The following PTPRD variants were observed in gnomAD, a reference collection of about 807,000 sequenced individuals.
The protein encoded by PTPRD is receptor-type tyrosine-protein phosphatase delta.
A neutral mutation model predicts 214.5 loss-of-function variants in PTPRD; 34 were observed. The observed-to-expected ratio is 0.16, with a 90% CI of 0.12 to 0.21. The LOEUF (loss-of-function observed/expected upper bound fraction) is 0.21. PTPRD is among the 10% of genes least tolerant of loss of function. The pLI, the probability that PTPRD is intolerant of heterozygous loss-of-function variation, is 1.00. For missense variants in PTPRD, 2,545 were observed against 2,398.7 expected (o/e 1.06, Z -1.27); for synonymous variants, 1,128 against 845.7 (o/e 1.33, Z -5.79).
chr9:8,687,363 T>C (rs982715706), intron 12 of PTPRD, among the ~76,000 whole-genome samples: 2 of 152,210 alleles, frequency 1.3e-5, no homozygotes, highest in African/African-American at 4.8e-5. Context: ...TTCTAACAGA[T>C]TCAGAAATAA....
intron 7 of PTPRD, among the ~76,000 whole-genome samples, chr9:9,615,641 T>C (rs1295467600): frequency 6.6e-6 from 1 of 152,222 alleles, no homozygotes; most frequent in Non-Finnish European, 1.5e-5. Flanking sequence ...GACTGCTAGA[T>C]TGGCTTTCTA....
intron 9 of PTPRD, among the ~76,000 whole-genome samples, chr9:9,322,075 T>C (rs1372681590): frequency 2.6e-5 from 4 of 152,186 alleles, no homozygotes; most frequent in Non-Finnish European, 5.9e-5. Flanking sequence ...AGTTAAGCAG[T>C]TATTTTAATT....
intron 4 of PTPRD, among the ~76,000 whole-genome samples, chr9:10,004,375 G>C (rs1450550326): frequency 6.6e-6 from 1 of 151,790 alleles, no homozygotes; most frequent in Non-Finnish European, 1.5e-5. Context: ...GAGGAATTAA[G>C]CAAATTAATA....
intron 11 of PTPRD, among the ~76,000 whole-genome samples, chr9:8,897,421 G>C (rs992715102): frequency 6.6e-5 from 10 of 152,290 alleles, no homozygotes; most frequent in African/African-American, 2.2e-4. Context: ...GTGCTTCTGA[G>C]GGTTGATACA....
chr9:10,295,742 T>G lies in PTPRD; in HGVS notation c.-545+45221A>C, dbSNP rs146864672. Among the ~76,000 whole-genome samples the G allele has an allele frequency of 1.6e-3, 236 of 152,212 alleles. 1 individual carries two copies. Among genetic ancestry groups the G allele is most frequent in the African/African-American group, 5.6e-3 (232 of 41,548 alleles). Reference sequence around the variant, plus strand: ...TATGAACTTTATGATATTGACATCATCCTACGTTACCCTTACCCGGGTGGG... The same window carrying G: ...TATGAACTTTATGATATTGACATCAGCCTACGTTACCCTTACCCGGGTGGG... On this transcript the variant is annotated intron_variant, in intron 3 of 45. Transcript: ENST00000381196.
intron 2 of PTPRD, among the ~76,000 whole-genome samples, chr9:10,373,144 T>TA (rs5896388): frequency 0.19 from 25,791 of 137,688 alleles, 3,079 homozygotes; most frequent in East Asian, 0.61. Context: ...TCTTTATACT[T>TA]AAAAAAAAAA....
Position 9,970,522 on chromosome 9 carries a change from T to C in PTPRD, c.-471-31912A>G, listed in dbSNP as rs535906943. 7.8e-4 allele frequency among the ~76,000 whole-genome samples: 118 copies of C among 151,882 alleles called. 1 individual carries two copies. The highest frequency in any genetic ancestry group is 4.4e-4 in the Non-Finnish European group (30 of 67,950). On this transcript the variant is annotated intron_variant, in intron 4 of 45. Coordinates refer to ENST00000381196, the MANE Select transcript of PTPRD (RefSeq NM_002839.4). ...ATCTGGTTGGGTGGACAGTCAGACA[T>C]GGCTCTTAGTGCAGCAGGTATGTAC...
intron 4 of PTPRD, among the ~76,000 whole-genome samples, chr9:9,948,757 A>C (rs2093105626): frequency 6.6e-6 from 1 of 152,090 alleles, no homozygotes; most frequent in South Asian, 2.1e-4. Flanking sequence ...GAGATTTATT[A>C]GCCTAACCCA....
intron 3 of PTPRD, among the ~76,000 whole-genome samples, chr9:10,057,521 T>C (rs1347652135): frequency 6.6e-6 from 1 of 152,006 alleles, no homozygotes; most frequent in Admixed American, 6.6e-5. Context: ...CCCTAAACAT[T>C]TGGAGTATTC....
chr9:8,752,694 G>A (rs947520535), intron 11 of PTPRD, among the ~76,000 whole-genome samples: 2 of 152,106 alleles, frequency 1.3e-5, no homozygotes, highest in Non-Finnish European at 2.9e-5. Context: ...ATGGGGAGCA[G>A]AGATGAACTA....
intron 9 of PTPRD, among the ~76,000 whole-genome samples, chr9:9,231,961 A>C (rs10759052): frequency 6.6e-6 from 1 of 151,890 alleles, no homozygotes; most frequent in Non-Finnish European, 1.5e-5. Context: ...GGTGGCATAG[A>C]ATACAATGGG....
intron 8 of PTPRD, among the ~76,000 whole-genome samples, chr9:9,445,036 C>A (rs1466303683): frequency 2.0e-5 from 3 of 152,046 alleles, no homozygotes; most frequent in Non-Finnish European, 2.9e-5. Context: ...AATGAGTGAG[C>A]AACAAACACA....
chr9:9,367,445 A>G (rs1308400387), intron 9 of PTPRD, among the ~76,000 whole-genome samples: 4 of 151,716 alleles, frequency 2.6e-5, no homozygotes, highest in Non-Finnish European at 1.5e-5. Flanking sequence ...ATTATATTGT[A>G]TTTAGTGAAA....
At chr9:8,643,975 C>G (rs2096633274) in intron 12 of PTPRD, among the ~76,000 whole-genome samples, 2 of 152,294 alleles carry the variant, frequency 1.3e-5, no homozygotes, top group Middle Eastern at 3.4e-3. Flanking sequence ...ATAGTGGGAA[C>G]TGGTGGTGCC....
intron 3 of PTPRD, among the ~76,000 whole-genome samples, chr9:10,083,321 TA>T (rs2098273607): frequency 6.6e-6 from 1 of 152,114 alleles, no homozygotes; most frequent in Non-Finnish European, 1.5e-5. Context: ...TGCCTAGTCT[TA>T]TAAGTCTTAA....
chr9:9,962,380 C>T (rs1336743114), intron 4 of PTPRD, among the ~76,000 whole-genome samples: 11 of 152,116 alleles, frequency 7.2e-5, no homozygotes, highest in Middle Eastern at 3.4e-3. Context: ...TACCAACAAA[C>T]AATTTGATTT....
chr9:9,758,813 G>A (rs750196786), intron 6 of PTPRD, among the ~76,000 whole-genome samples: 1 of 140,052 alleles, frequency 7.1e-6, no homozygotes, highest in Non-Finnish European at 1.5e-5. Flanking sequence ...TCTCTCTTGT[G>A]TACAGGCAAG....
intron 39 of PTPRD, among the ~76,000 whole-genome samples, chr9:8,360,112 T>A (rs2078100004): frequency 6.6e-6 from 1 of 152,220 alleles, no homozygotes; most frequent in African/African-American, 2.4e-5. Context: ...CGAGATATAG[T>A]TACAAAATAA....
chr9:10,311,718 T>C (rs1379520584), intron 3 of PTPRD, among the ~76,000 whole-genome samples: 3 of 152,054 alleles, frequency 2.0e-5, no homozygotes, highest in African/African-American at 7.2e-5. Context: ...CATTGTATTA[T>C]TCCTTGTATA....
Sources: allele counts gnomAD v4.1 joint callset (sites outside exome capture counted in the v4.1 genomes callset), GRCh38; gene constraint gnomAD v4.1.1; transcripts MANE v1.5; gene names NCBI Gene and HGNC (gene_info 2026-07-23, HGNC 2026-07-21).